The following AMBRA1 variants were observed in gnomAD, a reference collection of about 807,000 sequenced individuals.
The protein encoded by AMBRA1 is autophagy and beclin 1 regulator 1, also known as activating molecule in BECN1-regulated autophagy protein 1.
In AMBRA1, 47 loss-of-function variants were observed where a neutral mutation model predicts 125.4. The ratio of observed to expected loss-of-function variants is 0.37; its 90% CI spans 0.30 to 0.48. The LOEUF (loss-of-function observed/expected upper bound fraction) is 0.48. AMBRA1 is among the 20% of genes least tolerant of loss of function. The probability of loss-of-function intolerance (pLI) is 0.99; values close to 1 mark genes in which losing one functional copy is unlikely to be tolerated. For synonymous variants in AMBRA1, 626 were observed against 655.5 expected (o/e 0.95, Z 0.69); for missense variants, 1,331 against 1,693.4 (o/e 0.79, Z 3.76).
chr11:46,466,895 AAT>A (rs1949350441), intron 11 of AMBRA1, among the ~76,000 whole-genome samples: 1 of 148,952 alleles, frequency 6.7e-6, no homozygotes, highest in African/African-American at 2.5e-5. Flanking sequence ...TAAAATTACT[AAT>A]GTTTCTTTTT....
chr11:46,420,823 T>C (rs1010806631), intron 14 of AMBRA1, among the ~76,000 whole-genome samples: 5 of 152,158 alleles, frequency 3.3e-5, no homozygotes, highest in Admixed American at 2.0e-4. Context: ...CCCCTGAAAC[T>C]ACAATGATTT....
At chr11:46,581,086 G>A (rs897878784) in intron 1 of AMBRA1, among the ~76,000 whole-genome samples, 3 of 152,034 alleles carry the variant, frequency 2.0e-5, no homozygotes, top group South Asian at 2.1e-4. Context: ...GAGCCACCGC[G>A]CCCGGCCCCA....
At chr11:46,409,508 CTCTTA>C (rs1946185204) in intron 16 of AMBRA1, among the ~76,000 whole-genome samples, 1 of 152,176 alleles carries the variant, frequency 6.6e-6, no homozygotes, top group Admixed American at 6.5e-5. Flanking sequence ...AGGACTGGAA[CTCTTA>C]TGAGGCTGTT....
At chr11:46,404,253 C>T (rs1217714817) in intron 17 of AMBRA1, among the ~76,000 whole-genome samples, 1 of 152,322 alleles carries the variant, frequency 6.6e-6, no homozygotes, top group East Asian at 1.9e-4. Context: ...GGTGGGATCT[C>T]CCTTCTAGCC....
chr11:46,421,164 G>A (rs1365395060), intron 14 of AMBRA1, among the ~76,000 whole-genome samples: 2 of 152,150 alleles, frequency 1.3e-5, no homozygotes, highest in East Asian at 3.9e-4. Flanking sequence ...GTGAGACAAG[G>A]TCACAGAGGG....
intron 9 of AMBRA1, among the ~76,000 whole-genome samples, chr11:46,502,673 C>T (rs552088208): frequency 1.6e-4 from 24 of 152,244 alleles, no homozygotes; most frequent in Middle Eastern, 3.4e-3. Flanking sequence ...AGGTCTATCA[C>T]CTGATAAGAA....
At position 46,492,918 on chromosome 11, in the gene AMBRA1, G is replaced by A. The variant is rs1192136562; in HGVS notation, c.2521+690C>T. Among the ~76,000 whole-genome samples, 8 of 152,100 alleles carry A rather than the reference G, an allele frequency of 5.3e-5. No homozygotes were observed. In the South Asian group the frequency reaches 1.2e-3, roughly 24 times the overall value. On this transcript the variant is annotated intron_variant, in intron 11 of 17. Transcript: ENST00000683756. ...CAAAAAATTAGCTGGGCGTGGTGGC[G>A]GGCACCTGTAGTCCTAGCTACTCGG... is the stretch of plus-strand genomic sequence containing the variant.
chr11:46,566,446 G>C (rs1227070874), intron 1 of AMBRA1, among the ~76,000 whole-genome samples: 1 of 151,936 alleles, frequency 6.6e-6, no homozygotes, highest in East Asian at 1.9e-4. Context: ...TGGAGCTATT[G>C]ATAATATAAC....
rs1952981756 is a variant in AMBRA1 at position 46,545,622 on chromosome 11, C to T, written c.533G>A (p.Ser178Asn). 6 of 1,614,060 alleles carry T rather than the reference C, an allele frequency of 3.7e-6. No individual in the cohort carries two copies. The highest frequency in any genetic ancestry group is 5.1e-6 in the Non-Finnish European group (6 of 1,179,938). The change falls in exon 5 of 18, where the codon AGT (serine) becomes AAT (asparagine). Residue 178 changes from serine to asparagine, a missense_variant. Physicochemically the swap from Ser to Asn is conservative, Grantham distance 46. Coordinates refer to ENST00000683756, the MANE Select transcript of AMBRA1 (RefSeq NM_001387011.1). ...REPFAVVKTA[S>N]EMERVRLVRF... ...CACTCACCGGACCCGTTCCATCTCA[C>T]TAGCTGTCTTCACCACAGCAAAGGG...
intron 1 of AMBRA1, among the ~76,000 whole-genome samples, chr11:46,574,613 C>G (rs2043888213): frequency 6.6e-6 from 1 of 152,032 alleles, no homozygotes; most frequent in Non-Finnish European, 1.5e-5. Context: ...AATCCTTTTT[C>G]TAAAGGAAAT....
intron 1 of AMBRA1, among the ~76,000 whole-genome samples, chr11:46,568,241 T>G (rs778507815): frequency 8.5e-5 from 13 of 152,102 alleles, no homozygotes; most frequent in Non-Finnish European, 1.6e-4. Context: ...GAAGATCTCC[T>G]GAGGTCAAGA....
At chr11:46,428,309 C>T (rs1339231424) in intron 14 of AMBRA1, among the ~76,000 whole-genome samples, 1 of 152,060 alleles carries the variant, frequency 6.6e-6, no homozygotes, top group African/African-American at 2.4e-5. Flanking sequence ...TACCACATGG[C>T]CACAAAGAAA....
At chr11:46,548,545 G>A in intron 1 of AMBRA1, 45 bp from the exon 2 acceptor site, 6 of 764,452 alleles carry the variant, frequency 7.8e-6, no homozygotes, top group South Asian at 2.3e-5. Context: ...TCTGCAACGA[G>A]AAGCTTCTAA....
chr11:46,406,644 G>A (rs1307595117), intron 17 of AMBRA1, among the ~76,000 whole-genome samples: 1 of 149,566 alleles, frequency 6.7e-6, no homozygotes, highest in African/African-American at 2.5e-5. Context: ...ACTTTGGGAG[G>A]CTGAGGTGGG....
At chr11:46,500,521 C>T (rs76039883) in intron 9 of AMBRA1, among the ~76,000 whole-genome samples, 3,401 of 152,230 alleles carry the variant, frequency 0.022, 125 homozygotes, top group African/African-American at 0.077. Context: ...AGTTAGCTGC[C>T]TAAAATATAT....
intron 9 of AMBRA1, among the ~76,000 whole-genome samples, chr11:46,500,790 T>A (rs1950808898): frequency 2.6e-5 from 4 of 152,300 alleles, no homozygotes; most frequent in Admixed American, 2.0e-4. Context: ...CTATGCAGTC[T>A]TCAATACCCA....
chr11:46,455,311 A>G (rs1360138422), intron 11 of AMBRA1, among the ~76,000 whole-genome samples: 2 of 151,892 alleles, frequency 1.3e-5, no homozygotes, highest in East Asian at 3.9e-4. Flanking sequence ...CTCAAGCTCT[A>G]CTCATTAAAC....
intron 1 of AMBRA1, among the ~76,000 whole-genome samples, chr11:46,559,988 A>C (rs1476078518): frequency 6.6e-6 from 1 of 152,258 alleles, no homozygotes; most frequent in Non-Finnish European, 1.5e-5. Context: ...TGTGATAAAC[A>C]GAAGTTCACA....
intron 1 of AMBRA1, among the ~76,000 whole-genome samples, chr11:46,591,755 T>C (rs1354390630): frequency 6.6e-6 from 1 of 151,338 alleles, no homozygotes; most frequent in African/African-American, 2.4e-5. Flanking sequence ...CTCAGGAGGC[T>C]GAGGCAGAGA....
Sources: gnomAD v4.1 joint callset for allele counts (sites outside exome capture counted in the v4.1 genomes callset) on GRCh38, gnomAD v4.1.1 for gene constraint, MANE v1.5 for transcripts, NCBI Gene and HGNC (gene_info 2026-07-23, HGNC 2026-07-21) for gene names.